The following RBKS variants were observed in gnomAD, a reference collection of about 807,000 sequenced individuals.
The protein encoded by RBKS is ribokinase.
A neutral mutation model predicts 33.9 loss-of-function variants in RBKS; 33 were observed. That is an observed-to-expected ratio of 0.97 (90% confidence interval 0.74 to 1.30). RBKS has a LOEUF of 1.30. Ranked by LOEUF, RBKS falls within the 50% of genes most tolerant of loss-of-function variation. The pLI, the probability that RBKS is intolerant of heterozygous loss-of-function variation, is 0.00. For synonymous variants in RBKS, 125 were observed against 143.0 expected (o/e 0.87, Z 0.90); for missense variants, 361 against 392.6 (o/e 0.92, Z 0.68).
chr2:27,783,714 C>T (rs1000021341), intron 7 of RBKS, among the ~76,000 whole-genome samples: 5 of 151,720 alleles, frequency 3.3e-5, no homozygotes, highest in East Asian at 4.0e-4. Context: ...GAGACCATCC[C>T]GGCTAACACG....
At chr2:27,790,505 G>T (rs1267215928) in intron 7 of RBKS, among the ~76,000 whole-genome samples, 1 of 152,048 alleles carries the variant, frequency 6.6e-6, no homozygotes, top group Non-Finnish European at 1.5e-5. Context: ...ATAAGCCATG[G>T]ACTGGGATAA....
chr2:27,858,340 G>T, intron 2 of RBKS, 99 bp downstream of exon 2: 1 of 1,223,668 alleles, frequency 8.2e-7, no homozygotes, highest in Non-Finnish European at 1.1e-6. Flanking sequence ...CCACTGAACT[G>T]TTCACTCTAA....
At chr2:27,861,590 C>T (rs1052080322) in intron 1 of RBKS, 4 of 469,546 alleles carry the variant, frequency 8.5e-6, no homozygotes, top group Non-Finnish European at 8.8e-6. Context: ...TTAAACCTAA[C>T]CCTGATGCAA....
At chr2:27,796,131 T>A (rs993982624) in intron 7 of RBKS, among the ~76,000 whole-genome samples, 2 of 152,356 alleles carry the variant, frequency 1.3e-5, no homozygotes, top group South Asian at 4.1e-4. Context: ...TTCTCATTGT[T>A]GAATCTATTT....
chr2:27,827,617 G>T lies in RBKS; in HGVS notation c.745C>A (p.Pro249Thr), dbSNP rs1319834865. ...EGCVVLSQTE[P>T]EPKHIPTEKV... ...TCTGTGGGAATGTGCTTTGGCTCAGGTTCTGTCTGTGACAGCACCACACAT... is the reference window on the plus strand; with the variant it reads ...TCTGTGGGAATGTGCTTTGGCTCAGTTTCTGTCTGTGACAGCACCACACAT... Residue 249 changes from proline (P) to threonine (T), a missense_variant, in exon 7 of 8, where the codon CCT becomes ACT. Coordinates refer to ENST00000302188, the MANE Select transcript of RBKS (RefSeq NM_022128.3). 2.5e-6 allele frequency: 4 copies of T among 1,610,224 alleles called. No individual in the cohort carries two copies. The highest frequency in any genetic ancestry group is 3.4e-6 in the Non-Finnish European group (4 of 1,178,616).
rs374380028 is a variant in RBKS at position 27,786,287 on chromosome 2, A to G, written c.796-4499T>C. Among the ~76,000 whole-genome samples, 190 of 152,306 alleles carry G rather than the reference A, an allele frequency of 1.2e-3. 1 individual carries two copies. Among genetic ancestry groups the G allele is most frequent in the African/African-American group, 4.2e-3 (173 of 41,560 alleles). ...TTGTTTGATTTGCTATAAGCTTATA[A>G]TATTTTTCCAAAAAAGTTTCAGATA... is the stretch of plus-strand genomic sequence containing the variant. On this transcript the variant is annotated intron_variant, in intron 7 of 7. Coordinates refer to ENST00000302188, the MANE Select transcript of RBKS (RefSeq NM_022128.3).
chr2:27,884,853 A>T (rs1664495646), intron 1 of RBKS, among the ~76,000 whole-genome samples: 1 of 152,220 alleles, frequency 6.6e-6, no homozygotes, highest in Non-Finnish European at 1.5e-5. Context: ...AGGACTGCAG[A>T]GAGACTTGAA....
chr2:27,824,440 A>G (rs1392569136), intron 7 of RBKS, among the ~76,000 whole-genome samples: 1 of 152,082 alleles, frequency 6.6e-6, no homozygotes, highest in Non-Finnish European at 1.5e-5. Context: ...CTATGGATTG[A>G]TCTATTCTGA....
At chr2:27,870,079 T>TG (rs1434377757) in intron 1 of RBKS, 3 of 152,398 alleles carry the variant, frequency 2.0e-5, no homozygotes, top group African/African-American at 7.2e-5. Flanking sequence ...CTTCCCAGTC[T>TG]GGGGGGTCTT....
chr2:27,878,527 G>A (rs1200116101), intron 1 of RBKS, among the ~76,000 whole-genome samples: 1 of 152,122 alleles, frequency 6.6e-6, no homozygotes, highest in Non-Finnish European at 1.5e-5. Context: ...ATGATTTATA[G>A]TCCTTTGGAT....
chr2:27,837,896 A>G lies in RBKS; in HGVS notation c.515-5119T>C, dbSNP rs190793902. 1.6e-4 allele frequency among the ~76,000 whole-genome samples: 24 copies of G among 152,266 alleles called. No individual in the cohort carries two copies. Among genetic ancestry groups the G allele is most frequent in the Admixed American group, 9.8e-4 (15 of 15,296 alleles). ...CTCCCTACCTGGGCGCAATACTCCCATGTAACAAATCTGCATATGAAGGCC... is the reference window on the plus strand; with the variant it reads ...CTCCCTACCTGGGCGCAATACTCCCGTGTAACAAATCTGCATATGAAGGCC... On this transcript the variant is annotated intron_variant, in intron 5 of 7. Transcript: ENST00000302188. The surrounding 1 kb of genome is among the most constrained non-coding windows in gnomAD (Gnocchi z 4.0).
intron 7 of RBKS, among the ~76,000 whole-genome samples, chr2:27,817,373 G>T (rs1327294225): frequency 6.6e-6 from 1 of 152,166 alleles, no homozygotes; most frequent in African/African-American, 2.4e-5. Flanking sequence ...GTCTGAGAGT[G>T]GTGCACCTCT....
intron 2 of RBKS, among the ~76,000 whole-genome samples, chr2:27,848,323 A>G (rs4555299): frequency 0.36 from 54,193 of 152,070 alleles, 11,813 homozygotes; most frequent in East Asian, 0.63. Flanking sequence ...TTTAATGAAC[A>G]TCACTCATTA....
Position 27,890,192 on chromosome 2 carries a change from G to C in RBKS, c.89+65C>G, listed in dbSNP as rs1271018175. 1 of 1,500,978 alleles carries C rather than the reference G, an allele frequency of 6.7e-7. No individual in the cohort carries two copies. Among genetic ancestry groups the C allele is most frequent in the Non-Finnish European group, 9.2e-7 (1 of 1,086,158 alleles). The allele number at this position is 1,500,978 out of a possible 1,614,324, so 93.0% of individuals were successfully genotyped here. On this transcript the variant is annotated intron_variant, in intron 1 of 7. Transcript: ENST00000302188. This position sits in a 1 kb window ranked among gnomAD's most constrained non-coding sequence, Gnocchi z 4.8. ...GACCCAGCGCCCAAAAGCTCCACTG[G>C]GCGCATAGCGCACGGCACGCCTCCT...
intron 1 of RBKS, among the ~76,000 whole-genome samples, chr2:27,863,686 T>C (rs1033163189): frequency 1.3e-5 from 2 of 152,260 alleles, no homozygotes; most frequent in Non-Finnish European, 2.9e-5. Flanking sequence ...TTTCTCCTTT[T>C]GGCTGCAAGC....
intron 7 of RBKS, among the ~76,000 whole-genome samples, chr2:27,783,389 C>G (rs1199161107): frequency 6.6e-6 from 1 of 152,164 alleles, no homozygotes; most frequent in East Asian, 1.9e-4. Flanking sequence ...GCAGAAAGAG[C>G]TGAGAGCCAT....
At chr2:27,786,778 CAAA>C (rs1158881753) in intron 7 of RBKS, among the ~76,000 whole-genome samples, 7 of 68,862 alleles carry the variant, frequency 1.0e-4, no homozygotes, top group Non-Finnish European at 5.7e-5. Context: ...GAGACTGTCT[CAAA>C]AAAAAAAAAA....
chr2:27,821,983 G>T (rs753844744), intron 7 of RBKS, among the ~76,000 whole-genome samples: 13 of 152,102 alleles, frequency 8.5e-5, no homozygotes, highest in Non-Finnish European at 1.6e-4. Flanking sequence ...ATGTGCAAAG[G>T]CTCTATTCAA....
At chr2:27,838,983 G>A (rs183683029) in intron 5 of RBKS, among the ~76,000 whole-genome samples, 203 of 152,294 alleles carry the variant, frequency 1.3e-3, no homozygotes, top group Middle Eastern at 3.4e-3. Flanking sequence ...GTGTTGTCAC[G>A]GAGGGCAGGG....
Sources: gnomAD v4.1 joint callset for allele counts (sites outside exome capture counted in the v4.1 genomes callset) on GRCh38, gnomAD v4.1.1 for gene constraint, Gnocchi (gnomAD v3.1) non-coding constraint, MANE v1.5 for transcripts, NCBI Gene and HGNC (gene_info 2026-07-23, HGNC 2026-07-21) for gene names.